NUP205: variants seen among roughly 807,000 people sequenced by gnomAD.
NUP205 encodes the protein nuclear pore complex protein Nup205.
NUP205 carries 76 observed loss-of-function variants against 253.8 expected under a neutral mutation model. The observed-to-expected ratio is 0.30, with a 90% CI of 0.25 to 0.36. The LOEUF (loss-of-function observed/expected upper bound fraction) is 0.36. Ranked by LOEUF, NUP205 falls within the 10% of genes least tolerant of loss-of-function variation. NUP205 has a pLI of 1.00. For synonymous variants in NUP205, 832 were observed against 850.1 expected (o/e 0.98, Z 0.37); for missense variants, 2,162 against 2,425.5 (o/e 0.89, Z 2.28).
Position 135,618,528 on chromosome 7 carries a change from T to C in NUP205, c.3888T>C (p.Ala1296=), listed in dbSNP as rs1273065705. ...WRQLVEIILT[A]CPQDLIQAED... ...AACTAGTAGAAATTATACTGACAGC[T>C]TGTCCCCAGGACCTCATTCAGGCAG... Residue 1296 remains alanine (A), a synonymous_variant, in exon 28 of 43, where the codon GCT becomes GCC. Coordinates refer to ENST00000285968, the MANE Select transcript of NUP205 (RefSeq NM_015135.3). 1.2e-5 allele frequency: 20 copies of C among 1,613,982 alleles called. No individual in the cohort carries two copies. The highest frequency in any genetic ancestry group is 1.7e-5 in the Non-Finnish European group (20 of 1,180,010).
intron 1 of NUP205, among the ~76,000 whole-genome samples, chr7:135,564,119 C>G (rs1408461603): frequency 6.6e-6 from 1 of 151,706 alleles, no homozygotes; most frequent in Non-Finnish European, 1.5e-5. Context: ...CACTCTGTTG[C>G]CCACGCTGGA....
intron 23 of NUP205, among the ~76,000 whole-genome samples, chr7:135,614,940 A>G (rs1794323630): frequency 6.6e-6 from 1 of 152,210 alleles, no homozygotes; most frequent in Non-Finnish European, 1.5e-5. Flanking sequence ...TTCTATTACT[A>G]GTAATTGTCA....
chr7:135,603,111 A>C, intron 18 of NUP205, 117 bp downstream of exon 18: 2 of 485,918 alleles, frequency 4.1e-6, no homozygotes, highest in Admixed American at 5.7e-5. Flanking sequence ...GCCTCATTTT[A>C]CTTTTTTTTT....
intron 42 of NUP205, among the ~76,000 whole-genome samples, chr7:135,647,508 G>C (rs4346944): frequency 0.041 from 6,256 of 152,226 alleles, 446 homozygotes; most frequent in African/African-American, 0.14. Context: ...AGATTATTCA[G>C]AAGTTTGTTT....
intron 11 of NUP205, 123 bp downstream of exon 11, chr7:135,591,723 A>G (rs547388398): frequency 5.0e-6 from 4 of 805,846 alleles, no homozygotes; most frequent in East Asian, 2.7e-5. Flanking sequence ...TTATTTTCAT[A>G]ACAATAGGGT....
chr7:135,605,450 A>G (rs1007293751), intron 19 of NUP205, among the ~76,000 whole-genome samples: 1 of 152,196 alleles, frequency 6.6e-6, no homozygotes, highest in Non-Finnish European at 1.5e-5. Context: ...TAGCATCCCT[A>G]GATACCACTA....
chr7:135,644,744 C>A, intron 39 of NUP205, 151 bp from the exon 40 acceptor site: 1 of 684,392 alleles, frequency 1.5e-6, no homozygotes, highest in South Asian at 2.5e-5. Flanking sequence ...TTAAAAATTG[C>A]TAGCTTCTTA....
At chr7:135,558,103 G>C (rs1805480658) in intron 1 of NUP205, 131 bp downstream of exon 1, 1 of 788,134 alleles carries the variant, frequency 1.3e-6, no homozygotes, top group Non-Finnish European at 2.2e-6. Flanking sequence ...CTAATTCTGG[G>C]CCTAGAGTCC....
Position 135,648,644 on chromosome 7 carries a change from C to A in NUP205, c.*88C>A. On this transcript the variant is annotated 3_prime_UTR_variant, in exon 43 of 43. Coordinates refer to ENST00000285968, the MANE Select transcript of NUP205 (RefSeq NM_015135.3). ...GATTAGTTTCTTTCTAAATTATGAC[C>A]AAAAATATTTTGCTATTTCTTTCTT... 9.0e-7 allele frequency: 1 copy of A among 1,105,470 alleles called. No homozygotes were observed. Among genetic ancestry groups the A allele is most frequent in the Non-Finnish European group, 1.2e-6 (1 of 831,250 alleles). 68.5% of individuals were successfully genotyped at this position (1,105,470 alleles called of 1,614,324 possible). A position where few individuals can be genotyped will look rare whatever the true frequency, so the allele number is the denominator to read the frequency against.
intron 30 of NUP205, among the ~76,000 whole-genome samples, chr7:135,622,343 A>C (rs1794489626): frequency 6.6e-6 from 1 of 151,072 alleles, no homozygotes; most frequent in Non-Finnish European, 1.5e-5. Context: ...GAATCGCTTG[A>C]ACCTGGGAGG....
chr7:135,630,632 A>G (rs969624711), intron 35 of NUP205, among the ~76,000 whole-genome samples, 162 bp downstream of exon 35: 5 of 152,184 alleles, frequency 3.3e-5, no homozygotes, highest in Admixed American at 6.5e-5. Flanking sequence ...TTATAAAATG[A>G]TACATGCTTG....
chr7:135,586,071 T>G lies in NUP205; in HGVS notation c.1218+1064T>G, dbSNP rs367765825. Among the ~76,000 whole-genome samples the G allele has an allele frequency of 2.6e-5, 4 of 152,066 alleles. No individual in the cohort carries two copies. The East Asian group carries it at 5.8e-4, about 22-fold the overall frequency. On this transcript the variant is annotated intron_variant, in intron 8 of 42. Coordinates refer to ENST00000285968, the MANE Select transcript of NUP205 (RefSeq NM_015135.3). Reference sequence around the variant, plus strand: ...CCATCAAATGTTGGCGGGAAGTAAATGAGGGAGAAAAACGTCTTTTTTTGT... The same window carrying G: ...CCATCAAATGTTGGCGGGAAGTAAAGGAGGGAGAAAAACGTCTTTTTTTGT...
rs1806511888 is a variant in NUP205, at chr7:135,587,789, T to C, written c.1336-66T>C. ...TCAGGTGTAATACTTTAAATGTCCT[T>C]TTTTTTATTGAAAGTAATTTTTCAG... On this transcript the variant is annotated intron_variant, in intron 9 of 42. Coordinates refer to ENST00000285968, the MANE Select transcript of NUP205 (RefSeq NM_015135.3). 4.5e-6 allele frequency: 7 copies of C among 1,546,000 alleles called. No individual in the cohort carries two copies. The Admixed American group carries it at 1.4e-4, about 32-fold the overall frequency.
chr7:135,638,515 T>A lies in NUP205; in HGVS notation c.5266-42T>A, dbSNP rs375658187. ...CTCGATTTTCATGCTAATTGAGACA[T>A]TTCAGGGTCTTAACATTTTTGTTAC... On this transcript the variant is annotated intron_variant, in intron 37 of 42. Transcript: ENST00000285968. 3.6e-5 allele frequency: 58 copies of A among 1,596,150 alleles called. No homozygotes were observed. The African/African-American group carries it at 7.4e-4, about 20-fold the overall frequency.
chr7:135,630,309 G>GT (rs1221652411), intron 34 of NUP205, 35 bp from the exon 35 acceptor site: 8 of 1,414,766 alleles, frequency 5.7e-6, no homozygotes, highest in Non-Finnish European at 6.6e-6. Context: ...ACTTCTACCT[G>GT]TTTTTTCTAT....
chr7:135,572,377 G>A (rs1379996936), intron 2 of NUP205, among the ~76,000 whole-genome samples: 1 of 151,922 alleles, frequency 6.6e-6, no homozygotes, highest in Admixed American at 6.6e-5. Context: ...CCAGATGTAC[G>A]TTAAAATTTT....
At chr7:135,608,082 A>G (rs930197136) in intron 22 of NUP205, among the ~76,000 whole-genome samples, 1 of 146,104 alleles carries the variant, frequency 6.8e-6, no homozygotes, top group East Asian at 2.0e-4. Flanking sequence ...GCTGGAGTGC[A>G]GTGGCGTGAT....
chr7:135,636,406 C>G (rs916928928), intron 36 of NUP205, among the ~76,000 whole-genome samples: 2 of 152,122 alleles, frequency 1.3e-5, no homozygotes, highest in Non-Finnish European at 2.9e-5. Context: ...CATGGTATCA[C>G]TGGGACCGAG....
intron 26 of NUP205, 81 bp downstream of exon 26, chr7:135,617,328 G>A (rs1794383864): frequency 7.5e-7 from 1 of 1,338,952 alleles, no homozygotes. Flanking sequence ...GAACCATATA[G>A]GTTTTCTTTC....
Sources: allele counts gnomAD v4.1 joint callset (sites outside exome capture counted in the v4.1 genomes callset), GRCh38; gene constraint gnomAD v4.1.1; transcripts MANE v1.5; gene names NCBI Gene and HGNC (gene_info 2026-07-23, HGNC 2026-07-21).